Variants in IPO8 observed in about 807,000 individuals in gnomAD.
IPO8 encodes the protein importin 8, also known as importin-8.
A neutral mutation model predicts 141.2 loss-of-function variants in IPO8; 65 were observed. The ratio of observed to expected loss-of-function variants is 0.46; its 90% confidence interval spans 0.38 to 0.57. The LOEUF (loss-of-function observed/expected upper bound fraction) is 0.57. Among genes scored for constraint, IPO8 ranks in the 20% least tolerant of loss-of-function variants. The pLI, the probability that IPO8 is intolerant of heterozygous loss-of-function variation, is 0.00. For missense variants in IPO8, 980 were observed against 1,246.8 expected (o/e 0.79, Z 3.22); for synonymous variants, 411 against 420.3 (o/e 0.98, Z 0.27).
chr12:30,654,133 GA>G (rs1196875467), intron 17 of IPO8, among the ~76,000 whole-genome samples: 1 of 151,856 alleles, frequency 6.6e-6, no homozygotes, highest in East Asian at 1.9e-4. Context: ...ATGGCACTGG[GA>G]AAACTAAATA....
chr12:30,634,143 T>C lies in IPO8; in HGVS notation c.2839A>G (p.Thr947Ala), dbSNP rs368706065. 2.4e-5 allele frequency: 39 copies of C among 1,613,790 alleles called. No individual in the cohort carries two copies. Among genetic ancestry groups the C allele is most frequent in the Non-Finnish European group, 3.2e-5 (38 of 1,179,900 alleles). The change falls in exon 23 of 25, where the codon ACT becomes GCT. Residue 947 changes from threonine (T) to alanine (A), a missense_variant. By Grantham distance (58) the Thr-to-Ala change is moderately conservative. Coordinates refer to ENST00000256079, the MANE Select transcript of IPO8 (RefSeq NM_006390.4). ...ACACTATTGTCAAGGTCAAGTGGAG[T>C]ACTGAACCCCTCAAGCGCGGTTTCT... Reference protein sequence around the residue: ...LEETALEGFSTPLDLDNSVDE... With the variant: ...LEETALEGFSAPLDLDNSVDE...
intron 9 of IPO8, 95 bp downstream of exon 9, chr12:30,670,867 T>A (rs940436237): frequency 1.0e-6 from 1 of 979,174 alleles, no homozygotes; most frequent in Non-Finnish European, 1.5e-6. Flanking sequence ...TGTATATATA[T>A]AAAATGTAAA....
intron 8 of IPO8, among the ~76,000 whole-genome samples, chr12:30,671,878 C>A (rs1423173851): frequency 6.6e-6 from 1 of 151,944 alleles, no homozygotes; most frequent in Non-Finnish European, 1.5e-5. Context: ...ACTCCCTCAA[C>A]TTCACACCAA....
Position 30,639,654 on chromosome 12 carries a change from G to A in IPO8, c.2350C>T (p.Gln784Ter). 6.2e-7 allele frequency: 1 copy of A among 1,614,126 alleles called. No homozygotes were observed. Among genetic ancestry groups the A allele is most frequent in the Non-Finnish European group, 8.5e-7 (1 of 1,180,004 alleles). The change falls in exon 21 of 25, where the codon CAG (glutamine) becomes TAG (stop). Residue 784 changes from glutamine (Q) to a stop codon, truncating the protein, a stop_gained. Coordinates refer to ENST00000256079, the MANE Select transcript of IPO8 (RefSeq NM_006390.4). LOFTEE classifies it high-confidence loss of function. ...KTSELRTMCL[Q>*]VAIAALYYNP... ...TAGTACAAGGCAGCAATTGCAACCTGAAGACACATAGTACGAAGCTCACTA... is the reference window on the plus strand; with the variant it reads ...TAGTACAAGGCAGCAATTGCAACCTAAAGACACATAGTACGAAGCTCACTA...
At chr12:30,658,095 A>G (rs1387919311) in intron 16 of IPO8, among the ~76,000 whole-genome samples, 2 of 152,210 alleles carry the variant, frequency 1.3e-5, no homozygotes, top group Admixed American at 1.3e-4. Flanking sequence ...GTCCTATTTC[A>G]ACCATCAAGT....
chr12:30,652,912 A>G, intron 18 of IPO8, 55 bp downstream of exon 18: 2 of 1,470,024 alleles, frequency 1.4e-6, no homozygotes, highest in Non-Finnish European at 1.8e-6. Context: ...AGGTGTCAAC[A>G]GGAAGAAGTA....
intron 1 of IPO8, among the ~76,000 whole-genome samples, chr12:30,693,413 C>T (rs2053309282): frequency 1.3e-5 from 2 of 152,152 alleles, no homozygotes; most frequent in South Asian, 2.1e-4. Context: ...GGAATATAGG[C>T]TGTGGTGCAG....
intron 1 of IPO8, among the ~76,000 whole-genome samples, chr12:30,694,390 G>T (rs553909913): frequency 6.6e-6 from 1 of 152,236 alleles, no homozygotes; most frequent in East Asian, 1.9e-4. Context: ...TATCTCTGGG[G>T]AATCCTGCAT....
rs1198595088 is a variant in IPO8, at chr12:30,665,231, G to C, written c.1417C>G (p.Leu473Val). ...TATGAAAAACTTACTCTAGCTCGAA[G>C]ATATCCCAGGTTAGACAATAATAAT... ...FPLLLSNLGYLRARSCWVLHA... is the reference protein window; with the variant it reads ...FPLLLSNLGYVRARSCWVLHA... Residue 473 changes from leucine (L) to valine (V), a missense_variant, in exon 13 of 25, where the codon CTT becomes GTT. Around this residue, in one of 3 missense-constraint regions of IPO8, gnomAD observed 924 missense variants for 1,153.9 expected, o/e 0.80. Transcript: ENST00000256079. The C allele has an allele frequency of 1.3e-6, 2 of 1,559,518 alleles. No individual in the cohort carries two copies. Among genetic ancestry groups the C allele is most frequent in the African/African-American group, 1.4e-5 (1 of 73,542 alleles).
At chr12:30,658,923 C>A (rs938731357) in intron 16 of IPO8, among the ~76,000 whole-genome samples, 1 of 146,600 alleles carries the variant, frequency 6.8e-6, no homozygotes, top group Non-Finnish European at 1.5e-5. Context: ...CTCTGTCCCC[C>A]AGGCTGGAGT....
chr12:30,682,713 C>T (rs939070348), intron 3 of IPO8, among the ~76,000 whole-genome samples: 1 of 151,898 alleles, frequency 6.6e-6, no homozygotes, highest in Admixed American at 6.6e-5. Context: ...AATTAGGATT[C>T]CACAGGGCAA....
At position 30,675,722 on chromosome 12, in the gene IPO8, T is replaced by C. The variant is rs1161640309; in HGVS notation, c.729+776A>G. Among the ~76,000 whole-genome samples, 3 of 149,842 alleles carry C rather than the reference T, an allele frequency of 2.0e-5. No homozygotes were observed. The East Asian group carries it at 5.9e-4, about 30-fold the overall frequency. On this transcript the variant is annotated intron_variant, in intron 6 of 24. Coordinates refer to ENST00000256079, the MANE Select transcript of IPO8 (RefSeq NM_006390.4). ...AGCCGGGCGTGGTGGCGAGCACCTG[T>C]AGTCCCAGCTACTCAGGAGGCTGAG... is the stretch of plus-strand genomic sequence containing the variant.
At chr12:30,646,464 T>C (rs1341190528) in intron 20 of IPO8, among the ~76,000 whole-genome samples, 1 of 152,212 alleles carries the variant, frequency 6.6e-6, no homozygotes. Context: ...CTTTTCATCA[T>C]AGCTATTCAA....
At chr12:30,650,156 T>C (rs1167271134) in intron 19 of IPO8, among the ~76,000 whole-genome samples, 2 of 151,842 alleles carry the variant, frequency 1.3e-5, no homozygotes, top group Non-Finnish European at 2.9e-5. Flanking sequence ...AGATTAGAAA[T>C]AATACTATAA....
chr12:30,657,204 T>C lies in IPO8; in HGVS notation c.1882-454A>G, dbSNP rs563256617. Among the ~76,000 whole-genome samples, 3 of 152,252 alleles carry C rather than the reference T, an allele frequency of 2.0e-5. No individual in the cohort carries two copies. The East Asian group carries it at 5.8e-4, about 29-fold the overall frequency. ...ATGAGTGAAATATTTTCAAATGGTA[T>C]CACAAAGATCAAATTCCCCTTACAT... On this transcript the variant is annotated intron_variant, in intron 16 of 24. Transcript: ENST00000256079.
chr12:30,654,011 AC>A (rs1214100943), intron 17 of IPO8, among the ~76,000 whole-genome samples: 1 of 152,116 alleles, frequency 6.6e-6, no homozygotes, highest in Non-Finnish European at 1.5e-5. Context: ...AGACACACAG[AC>A]CAATGGAACC....
rs962010605 is a variant in IPO8, at chr12:30,645,314, A to C, written c.2268+3823T>G. On this transcript the variant is annotated intron_variant, in intron 20 of 24. Transcript: ENST00000256079. ...CTTGAACCCAGGAGGCGGAGGTTGC[A>C]GTAAGCCAAGATTGCGCCACTGCAC... Among the ~76,000 whole-genome samples the C allele has an allele frequency of 2.6e-5, 4 of 151,840 alleles. No individual in the cohort carries two copies. The East Asian group carries it at 5.9e-4, about 22-fold the overall frequency.
chr12:30,662,071 T>C (rs2052895362), intron 15 of IPO8, among the ~76,000 whole-genome samples: 1 of 152,192 alleles, frequency 6.6e-6, no homozygotes, highest in Non-Finnish European at 1.5e-5. Context: ...CACAAACCTA[T>C]ACAGTTTGCT....
rs1180971035 is a variant in IPO8 at position 30,631,932 on chromosome 12, C to A, written c.2979G>T (p.Glu993Asp). 3.1e-6 allele frequency: 5 copies of A among 1,612,884 alleles called. No homozygotes were observed. The highest frequency in any genetic ancestry group is 4.2e-6 in the Non-Finnish European group (5 of 1,179,934). ...LSEDQRTALQ[E>D]VYTLAEHRRT... ...GTCGGTGCTCTGCCAGTGTGTACAC[C>A]TCCTGCAGTGCTGTCCTCTGATCCT... The change falls in exon 24 of 25, where the codon GAG becomes GAT. Residue 993 changes from glutamate to aspartate, a missense_variant. Around this residue, in one of 3 missense-constraint regions of IPO8, gnomAD observed 924 missense variants for 1,153.9 expected, o/e 0.80. Transcript: ENST00000256079.
Sources: allele counts gnomAD v4.1 joint callset (sites outside exome capture counted in the v4.1 genomes callset), GRCh38; gene constraint gnomAD v4.1.1; regional missense constraint gnomAD v4.1.1; transcripts MANE v1.5; gene names NCBI Gene and HGNC (gene_info 2026-07-23, HGNC 2026-07-21).